Variants in MAGI2 observed in about 807,000 individuals in gnomAD.
MAGI2 encodes the protein membrane-associated guanylate kinase, WW and PDZ domain-containing protein 2.
Under a neutral mutation model 133.3 loss-of-function variants are expected in MAGI2, and 35 were observed. The observed-to-expected ratio is 0.26, with a 90% CI of 0.20 to 0.35. MAGI2 has a LOEUF of 0.35. Among genes scored for constraint, MAGI2 ranks in the 10% least tolerant of loss-of-function variants. MAGI2 has a pLI of 1.00. For synonymous variants in MAGI2, 729 were observed against 710.6 expected (o/e 1.03, Z -0.41); for missense variants, 1,636 against 1,863.4 (o/e 0.88, Z 2.25).
At chr7:78,805,386 T>A (rs2151393825) in intron 2 of MAGI2, among the ~76,000 whole-genome samples, 1 of 152,264 alleles carries the variant, frequency 6.6e-6, no homozygotes, top group Non-Finnish European at 1.5e-5. Context: ...CCTTCCTGAT[T>A]TTTAAATATA....
intron 2 of MAGI2, among the ~76,000 whole-genome samples, chr7:78,654,744 T>TGGC (rs1811979230): frequency 1.1e-5 from 1 of 92,416 alleles, no homozygotes; most frequent in Non-Finnish European, 2.4e-5. Context: ...TATATATATA[T>TGGC]ATATAGCATA....
intron 21 of MAGI2, among the ~76,000 whole-genome samples, chr7:78,057,062 A>T (rs1055217378): frequency 1.4e-5 from 2 of 147,164 alleles, no homozygotes; most frequent in African/African-American, 2.5e-5. Context: ...TATATAAATT[A>T]TATATATATA....
At chr7:79,342,739 TTTTA>T (rs145072959) in intron 1 of MAGI2, among the ~76,000 whole-genome samples, 34 of 151,406 alleles carry the variant, frequency 2.2e-4, no homozygotes, top group South Asian at 4.2e-4. Context: ...CTTTATCTTA[TTTTA>T]TTTATTTATT....
intron 1 of MAGI2, among the ~76,000 whole-genome samples, chr7:79,322,794 G>C (rs73156005): frequency 7.9e-6 from 1 of 126,526 alleles, no homozygotes; most frequent in African/African-American, 2.8e-5. Context: ...AAAAAAAAAA[G>C]AAAAAGAAAA....
At chr7:78,519,358 C>T (rs1796306200) in intron 4 of MAGI2, among the ~76,000 whole-genome samples, 1 of 152,038 alleles carries the variant, frequency 6.6e-6, no homozygotes, top group Admixed American at 6.6e-5. Flanking sequence ...TGAAGGGCTG[C>T]CTGATTTGTA....
At chr7:78,392,072 A>G (rs1231245524) in intron 6 of MAGI2, among the ~76,000 whole-genome samples, 1 of 152,212 alleles carries the variant, frequency 6.6e-6, no homozygotes. Flanking sequence ...CATGCTAAAT[A>G]AGACAGAAGG....
chr7:79,005,738 G>A (rs976137158), intron 2 of MAGI2, among the ~76,000 whole-genome samples: 9 of 152,112 alleles, frequency 5.9e-5, no homozygotes, highest in African/African-American at 1.4e-4. Context: ...TTGAAAATGC[G>A]TCCACCCGTT....
chr7:79,063,518 C>T (rs1205379441), intron 1 of MAGI2, among the ~76,000 whole-genome samples: 1 of 151,986 alleles, frequency 6.6e-6, no homozygotes, highest in Non-Finnish European at 1.5e-5. Context: ...AATTGAGTTA[C>T]TTTATCAGTA....
At chr7:79,200,307 G>A (rs1316552164) in intron 1 of MAGI2, among the ~76,000 whole-genome samples, 1 of 151,826 alleles carries the variant, frequency 6.6e-6, no homozygotes. Context: ...ATACCATGTT[G>A]CCTTACAACT....
intron 2 of MAGI2, among the ~76,000 whole-genome samples, chr7:78,954,233 G>C (rs1802110809): frequency 6.6e-6 from 1 of 152,030 alleles, no homozygotes; most frequent in Non-Finnish European, 1.5e-5. Flanking sequence ...ACTTCTTATG[G>C]AGAACCCCTT....
Position 78,689,682 on chromosome 7 carries a change from C to CTTTTTTTTT in MAGI2, c.419-62452_419-62444dup, listed in dbSNP as rs200333526. On this transcript the variant is annotated intron_variant, in intron 2 of 21. Transcript: ENST00000354212. ...ACAATGTGTATCTTTTTGGATCTGG[C>CTTTTTTTTT]TTTTTTTTTTTTTTTTTTTTTTGCT... Among the ~76,000 whole-genome samples the CTTTTTTTTT allele has an allele frequency of 3.6e-4, 33 of 92,016 alleles. 1 individual carries two copies. The highest frequency in any genetic ancestry group is 7.6e-4 in the East Asian group (2 of 2,616). 60.4% of individuals were successfully genotyped at this position (92,016 alleles called of 152,430 possible).
At chr7:78,869,587 G>A (rs1437526659) in intron 2 of MAGI2, among the ~76,000 whole-genome samples, 2 of 152,158 alleles carry the variant, frequency 1.3e-5, no homozygotes, top group African/African-American at 4.8e-5. Flanking sequence ...GGATGGGGAG[G>A]CCTCAGGAAA....
At chr7:78,442,694 C>A (rs1787746766) in intron 6 of MAGI2, among the ~76,000 whole-genome samples, 1 of 152,154 alleles carries the variant, frequency 6.6e-6, no homozygotes, top group African/African-American at 2.4e-5. Flanking sequence ...GCTCAGACAA[C>A]ATATTATTGA....
chr7:78,176,118 A>G (rs1237320056), intron 14 of MAGI2, among the ~76,000 whole-genome samples: 1 of 152,158 alleles, frequency 6.6e-6, no homozygotes, highest in African/African-American at 2.4e-5. Context: ...GGGGGAGAGT[A>G]AACAAAGCTG....
chr7:78,645,150 C>A (rs982480280), intron 2 of MAGI2, among the ~76,000 whole-genome samples: 5 of 150,672 alleles, frequency 3.3e-5, no homozygotes, highest in African/African-American at 9.8e-5. Flanking sequence ...GTGTGTCTAC[C>A]TGATATTTTA....
chr7:79,112,610 AC>A (rs1819021321), intron 1 of MAGI2, among the ~76,000 whole-genome samples: 1 of 152,202 alleles, frequency 6.6e-6, no homozygotes, highest in Admixed American at 6.6e-5. Flanking sequence ...CACTCTTCTT[AC>A]CATCTATGTC....
chr7:78,717,135 C>T (rs753910757), intron 2 of MAGI2, among the ~76,000 whole-genome samples: 3 of 152,216 alleles, frequency 2.0e-5, no homozygotes, highest in Non-Finnish European at 4.4e-5. Context: ...AGCCTGCAAG[C>T]GGGAAAGGAG....
At chr7:78,827,703 T>C (rs1252931612) in intron 2 of MAGI2, among the ~76,000 whole-genome samples, 1 of 152,132 alleles carries the variant, frequency 6.6e-6, no homozygotes, top group Non-Finnish European at 1.5e-5. Flanking sequence ...GCAACATAAA[T>C]ATAATAATAT....
intron 2 of MAGI2, among the ~76,000 whole-genome samples, chr7:78,701,727 C>A (rs551039489): frequency 1.3e-5 from 2 of 151,840 alleles, no homozygotes; most frequent in African/African-American, 4.8e-5. Context: ...TGGCCTCATA[C>A]GGGTTAATAA....
Sources: gnomAD v4.1 joint callset for allele counts (sites outside exome capture counted in the v4.1 genomes callset) on GRCh38, gnomAD v4.1.1 for gene constraint, MANE v1.5 for transcripts, NCBI Gene and HGNC (gene_info 2026-07-23, HGNC 2026-07-21) for gene names.